Variants in TMC7 observed in about 807,000 individuals in gnomAD.
The protein encoded by TMC7 is transmembrane channel-like protein 7.
TMC7 carries 54 observed loss-of-function variants against 82.9 expected under a neutral mutation model. That is an observed-to-expected ratio of 0.65 (90% CI 0.52 to 0.82). The LOEUF (loss-of-function observed/expected upper bound fraction) is 0.82. Among genes scored for constraint, TMC7 ranks in the 40% least tolerant of loss-of-function variants. The pLI is 0.00. For synonymous variants in TMC7, 350 were observed against 337.9 expected (o/e 1.04, Z -0.39); for missense variants, 820 against 901.2 (o/e 0.91, Z 1.15).
intron 8 of TMC7, among the ~76,000 whole-genome samples, chr16:19,038,978 C>G (rs1387893153): frequency 1.3e-5 from 2 of 152,088 alleles, no homozygotes; most frequent in Non-Finnish European, 2.9e-5. Flanking sequence ...TTTTAAAATT[C>G]CAAGTTTGTC....
intron 6 of TMC7, among the ~76,000 whole-genome samples, chr16:19,032,879 G>A (rs914558684): frequency 7.2e-5 from 11 of 152,124 alleles, no homozygotes; most frequent in South Asian, 2.1e-4. Context: ...CACCCACCTC[G>A]GCCTCCCACA....
chr16:19,038,321 G>A (rs572239455), intron 8 of TMC7, among the ~76,000 whole-genome samples: 22 of 149,916 alleles, frequency 1.5e-4, no homozygotes, highest in South Asian at 1.3e-3. Context: ...TCAGCCTCCC[G>A]AGTAGCTGGG....
chr16:19,052,768 A>G (rs190907209), intron 13 of TMC7, among the ~76,000 whole-genome samples: 222 of 152,258 alleles, frequency 1.5e-3, no homozygotes, highest in Admixed American at 2.8e-3. Flanking sequence ...GATAGAGTGC[A>G]GTGGTGTGAT....
intron 5 of TMC7, among the ~76,000 whole-genome samples, chr16:19,025,425 C>T (rs1274388717): frequency 1.3e-5 from 2 of 152,042 alleles, no homozygotes; most frequent in Admixed American, 6.6e-5. Context: ...TCAAGACCAG[C>T]TTGGCCAACA....
chr16:19,023,690 A>G (rs1018727358), intron 5 of TMC7, among the ~76,000 whole-genome samples: 1 of 151,838 alleles, frequency 6.6e-6, no homozygotes, highest in African/African-American at 2.4e-5. Flanking sequence ...CAGGTGGTCC[A>G]CTCTCCTTGG....
At chr16:18,984,238 C>T (rs2038802865) in intron 1 of TMC7, 108 bp downstream of exon 1, 2 of 1,354,116 alleles carry the variant, frequency 1.5e-6, no homozygotes, top group Non-Finnish European at 1.9e-6. Flanking sequence ...CTCCCACCCC[C>T]GACGCCGGGT....
intron 3 of TMC7, among the ~76,000 whole-genome samples, chr16:19,018,211 CA>C (rs1567512224): frequency 6.6e-6 from 1 of 152,212 alleles, no homozygotes; most frequent in Non-Finnish European, 1.5e-5. Context: ...TACCAAACTG[CA>C]AAGAGTTCCT....
intron 3 of TMC7, among the ~76,000 whole-genome samples, chr16:19,018,067 G>A (rs1959789804): frequency 6.6e-6 from 1 of 152,226 alleles, no homozygotes; most frequent in Non-Finnish European, 1.5e-5. Context: ...GAGCCCAGGA[G>A]TTTGAGGCTG....
intron 2 of TMC7, among the ~76,000 whole-genome samples, chr16:19,015,059 G>C (rs1345666901): frequency 1.3e-5 from 2 of 151,962 alleles, no homozygotes; most frequent in Non-Finnish European, 2.9e-5. Context: ...CGCCTTCCGG[G>C]TTCAAGCGAT....
At chr16:18,991,374 A>G (rs2038947743) in intron 1 of TMC7, among the ~76,000 whole-genome samples, 1 of 152,080 alleles carries the variant, frequency 6.6e-6, no homozygotes, top group African/African-American at 2.4e-5. Context: ...CAGCATAGTT[A>G]TTTGCTTGGT....
At position 19,061,265 on chromosome 16, in the gene TMC7, G is replaced by A. The variant is rs112998002; in HGVS notation, c.2107-513G>A. Among the ~76,000 whole-genome samples the A allele has an allele frequency of 8.9e-3, 1,360 of 152,110 alleles. 11 individuals are homozygous for A. The highest frequency in any genetic ancestry group is 0.051 in the Middle Eastern group (15 of 294). ...TGACCTCAGGTGGTCCACCTGCCTC[G>A]GCCTCCCAAAGTGCTGAGATTACAG... On this transcript the variant is annotated intron_variant, in intron 15 of 15. Coordinates refer to ENST00000304381, the MANE Select transcript of TMC7 (RefSeq NM_024847.4).
intron 2 of TMC7, among the ~76,000 whole-genome samples, chr16:19,014,538 C>T (rs963815373): frequency 1.3e-5 from 2 of 152,204 alleles, no homozygotes; most frequent in Non-Finnish European, 2.9e-5. Flanking sequence ...AGGCGTGTGC[C>T]GTGTGCCATA....
At chr16:18,984,981 G>T (rs2038819007) in intron 1 of TMC7, among the ~76,000 whole-genome samples, 1 of 152,162 alleles carries the variant, frequency 6.6e-6, no homozygotes, top group Non-Finnish European at 1.5e-5. Flanking sequence ...AGGATGTAGG[G>T]CCGGGCGTGG....
chr16:19,032,077 C>A (rs983925553), intron 6 of TMC7, among the ~76,000 whole-genome samples: 1 of 152,166 alleles, frequency 6.6e-6, no homozygotes, highest in Admixed American at 6.6e-5. Context: ...CATCTCTGCG[C>A]CAGGGGGGTT....
chr16:18,990,420 G>A (rs778911532), intron 1 of TMC7, among the ~76,000 whole-genome samples: 36 of 152,190 alleles, frequency 2.4e-4, no homozygotes, highest in Non-Finnish European at 4.1e-4. Flanking sequence ...TCAGCTTCCC[G>A]AGTAGCTGGG....
chr16:19,059,661 A>G, intron 15 of TMC7, 167 bp downstream of exon 15: 1 of 1,543,308 alleles, frequency 6.5e-7, no homozygotes, highest in Non-Finnish European at 8.7e-7. Flanking sequence ...TCATTAATTC[A>G]CTGATTCATC....
At chr16:19,015,994 C>G (rs1407272250) in intron 2 of TMC7, among the ~76,000 whole-genome samples, 1 of 152,186 alleles carries the variant, frequency 6.6e-6, no homozygotes, top group African/African-American at 2.4e-5. Context: ...AACTTTTTTC[C>G]ATAGCGGCGG....
At chr16:19,044,634 A>G (rs1961176285) in intron 9 of TMC7, among the ~76,000 whole-genome samples, 1 of 151,884 alleles carries the variant, frequency 6.6e-6, no homozygotes. Flanking sequence ...CCTCAGATCT[A>G]CTAAAAATAG....
intron 5 of TMC7, among the ~76,000 whole-genome samples, chr16:19,028,263 G>A (rs1960328942): frequency 6.6e-6 from 1 of 152,110 alleles, no homozygotes; most frequent in African/African-American, 2.4e-5. Context: ...GCCGGGCACA[G>A]TGGCTCAAAA....
Sources: allele counts gnomAD v4.1 joint callset (sites outside exome capture counted in the v4.1 genomes callset), GRCh38; gene constraint gnomAD v4.1.1; transcripts MANE v1.5; gene names NCBI Gene and HGNC (gene_info 2026-07-23, HGNC 2026-07-21).